Variants in PIK3C2A observed in about 807,000 individuals in gnomAD.
PIK3C2A encodes phosphatidylinositol 4-phosphate 3-kinase C2 domain-containing subunit alpha.
PIK3C2A carries 97 observed loss-of-function variants against 204.5 expected under a neutral mutation model. The observed-to-expected ratio is 0.47, with a 90% CI of 0.40 to 0.56. PIK3C2A has a LOEUF of 0.56. PIK3C2A is among the 20% of genes least tolerant of loss of function. PIK3C2A has a pLI of 0.00. For synonymous variants in PIK3C2A, 653 were observed against 664.4 expected, an observed-to-expected ratio of 0.98 and a Z score of 0.26; for missense variants, 1,735 against 1,969.2, an observed-to-expected ratio of 0.88 and a Z score of 2.25.
chr11:17,193,871 AG>A, intron 1 of PIK3C2A: 1 of 113,324 alleles, frequency 8.8e-6, no homozygotes. Context: ...AGAAAAGAAA[AG>A]AAAAGAAAAG....
At chr11:17,103,201 A>G (rs1848698319) in intron 23 of PIK3C2A, among the ~76,000 whole-genome samples, 1 of 14,300 alleles carries the variant, frequency 7.0e-5, no homozygotes, top group South Asian at 1.0e-3. Flanking sequence ...CATGATGGAT[A>G]GAAGATTTTT....
intron 8 of PIK3C2A, among the ~76,000 whole-genome samples, chr11:17,145,431 C>T (rs745956923): frequency 6.6e-6 from 1 of 152,168 alleles, no homozygotes; most frequent in Non-Finnish European, 1.5e-5. Flanking sequence ...TCACTTGACA[C>T]TCATTCTCTC....
intron 22 of PIK3C2A, 77 bp downstream of exon 22, chr11:17,110,355 G>A: frequency 9.8e-7 from 1 of 1,019,352 alleles, no homozygotes; most frequent in Non-Finnish European, 1.4e-6. Flanking sequence ...ATCTGCATCA[G>A]GATGTTTACG....
chr11:17,171,237 G>A (rs1452640872), intron 1 of PIK3C2A, among the ~76,000 whole-genome samples: 1 of 152,122 alleles, frequency 6.6e-6, no homozygotes, highest in African/African-American at 2.4e-5. Flanking sequence ...ACACATAAAA[G>A]TGCCTCTCAT....
At chr11:17,089,966 T>G in intron 32 of PIK3C2A, 46 bp from the exon 33 acceptor site, 1 of 1,417,282 alleles carries the variant, frequency 7.1e-7, no homozygotes, top group Non-Finnish European at 9.6e-7. Flanking sequence ...TTAAAGTTTG[T>G]TTGGTTTCTT....
At chr11:17,102,050 GA>G (rs1187749167) in intron 24 of PIK3C2A, among the ~76,000 whole-genome samples, 1 of 152,112 alleles carries the variant, frequency 6.6e-6, no homozygotes, top group East Asian at 1.9e-4. Context: ...TACAAACATA[GA>G]AAACTACTTA....
chr11:17,195,765 C>G (rs11024188), intron 1 of PIK3C2A, among the ~76,000 whole-genome samples: 1 of 143,664 alleles, frequency 7.0e-6, no homozygotes, highest in Non-Finnish European at 1.5e-5. Flanking sequence ...AGGAGCCCCG[C>G]GCGCTGGCTC....
Position 17,113,864 on chromosome 11 carries a change from G to A in PIK3C2A, c.3321+497C>T, listed in dbSNP as rs1448115218. Among the ~76,000 whole-genome samples the A allele has an allele frequency of 2.7e-5, 4 of 150,440 alleles. No individual in the cohort carries two copies. In the South Asian group the frequency reaches 6.3e-4, roughly 24 times the overall value. On this transcript the variant is annotated intron_variant, in intron 20 of 32. Coordinates refer to ENST00000691414, the MANE Select transcript of PIK3C2A (RefSeq NM_002645.4). ...TGGGAGGCCGAGGTGGGCGAATCACGAGGTCAGGAGTTCAAGACCAGCCTG... is the reference window on the plus strand; with the variant it reads ...TGGGAGGCCGAGGTGGGCGAATCACAAGGTCAGGAGTTCAAGACCAGCCTG...
chr11:17,179,784 T>G (rs1851472388), intron 1 of PIK3C2A, among the ~76,000 whole-genome samples: 1 of 151,900 alleles, frequency 6.6e-6, no homozygotes, highest in Non-Finnish European at 1.5e-5. Flanking sequence ...TGGCTAATGT[T>G]TTCATTTTTT....
rs536082224 is a variant in PIK3C2A at position 17,087,733 on chromosome 11, T to A, written c.*2005A>T. 1 of 152,360 alleles carries A rather than the reference T, an allele frequency of 6.6e-6. No individual in the cohort carries two copies. The highest frequency in any genetic ancestry group is 2.1e-4 in the South Asian group (1 of 4,832). 9.4% of individuals were successfully genotyped at this position (152,360 alleles called of 1,614,324 possible). ...TGAAAATTACTAGTACATTTGCATT[T>A]GCAAAGGTACTTACATACTTTAAGG... is the stretch of plus-strand genomic sequence containing the variant. On this transcript the variant is annotated 3_prime_UTR_variant, in exon 33 of 33. Coordinates refer to ENST00000691414, the MANE Select transcript of PIK3C2A (RefSeq NM_002645.4).
intron 1 of PIK3C2A, among the ~76,000 whole-genome samples, chr11:17,201,742 T>G (rs1852392556): frequency 6.6e-6 from 1 of 152,190 alleles, no homozygotes; most frequent in South Asian, 2.1e-4. Flanking sequence ...TTATCTATTT[T>G]CCATTTGACT....
intron 18 of PIK3C2A, 67 bp from the exon 19 acceptor site, chr11:17,117,738 G>A (rs564910697): frequency 4.4e-5 from 36 of 810,284 alleles, no homozygotes; most frequent in African/African-American, 3.2e-4. Flanking sequence ...TTTTTGAGAC[G>A]GAGCCTCACT....
chr11:17,204,816 T>G (rs903596256), intron 1 of PIK3C2A, among the ~76,000 whole-genome samples: 4 of 152,238 alleles, frequency 2.6e-5, no homozygotes, highest in Admixed American at 1.3e-4. Context: ...TACAATGTGA[T>G]GCACCACCAG....
At position 17,089,705 on chromosome 11, in the gene PIK3C2A, G is replaced by A; in HGVS notation, c.*33C>T. The A allele has an allele frequency of 2.0e-6, 3 of 1,484,672 alleles. No homozygotes were observed. Among genetic ancestry groups the A allele is most frequent in the Non-Finnish European group, 2.8e-6 (3 of 1,067,782 alleles). 92.0% of individuals were successfully genotyped at this position (1,484,672 alleles called of 1,614,324 possible). A position where few individuals can be genotyped will look rare whatever the true frequency, so the allele number is the denominator to read the frequency against. ...CATGTATGCATGCACGTTTATAACT[G>A]TTCATGCTTCCAAAGCTCAAACATT... On this transcript the variant is annotated 3_prime_UTR_variant, in exon 33 of 33. Transcript: ENST00000691414.
At chr11:17,128,825 T>C (rs1849603426) in intron 13 of PIK3C2A, among the ~76,000 whole-genome samples, 1 of 152,110 alleles carries the variant, frequency 6.6e-6, no homozygotes, top group African/African-American at 2.4e-5. Context: ...GTGGGATGTA[T>C]GGCAATTAAA....
rs775520383 is a variant in PIK3C2A at position 17,168,804 on chromosome 11, G to A, written c.938C>T (p.Ser313Leu). The change falls in exon 2 of 33, where the codon TCG becomes TTG. Residue 313 changes from serine (S) to leucine (L), a missense_variant. By Grantham distance (145) the Ser-to-Leu change is moderately radical. Coordinates refer to ENST00000691414, the MANE Select transcript of PIK3C2A (RefSeq NM_002645.4). ...PWDAVLLEER[S>L]TANCHLERKV... ...TCTTTCAAGATGACAATTTGCTGTCGATCTCTCTTCAAGAAGAACAGCATC... is the reference window on the plus strand; with the variant it reads ...TCTTTCAAGATGACAATTTGCTGTCAATCTCTCTTCAAGAAGAACAGCATC... 47 of 1,613,754 alleles carry A rather than the reference G, an allele frequency of 2.9e-5. No homozygotes were observed. Among genetic ancestry groups the A allele is most frequent in the Admixed American group, 2.2e-4 (13 of 59,964 alleles).
In PIK3C2A at chr11:17,128,617, C is replaced by A. The variant is rs529310160; in HGVS notation, c.2399+683G>T. Among the ~76,000 whole-genome samples the A allele has an allele frequency of 1.2e-4, 19 of 152,316 alleles. No individual in the cohort carries two copies. The East Asian group carries it at 3.7e-3, about 29-fold the overall frequency. ...TGTGCTGAATGTAACATATCCCGAA[C>A]TTACCCAATTATTTTTCCTTTGGAA... On this transcript the variant is annotated intron_variant, in intron 13 of 32. Coordinates refer to ENST00000691414, the MANE Select transcript of PIK3C2A (RefSeq NM_002645.4).
At chr11:17,185,026 CAGT>C (rs1203279742) in intron 1 of PIK3C2A, among the ~76,000 whole-genome samples, 1 of 151,920 alleles carries the variant, frequency 6.6e-6, no homozygotes, top group Non-Finnish European at 1.5e-5. Context: ...ATAAAATCTA[CAGT>C]AGTATACAGT....
At chr11:17,195,350 T>A (rs1325188365) in intron 1 of PIK3C2A, among the ~76,000 whole-genome samples, 1 of 151,066 alleles carries the variant, frequency 6.6e-6, no homozygotes, top group African/African-American at 2.4e-5. Context: ...GAGGCAGAGG[T>A]TGCAGTGAGC....
Sources: allele counts gnomAD v4.1 joint callset (sites outside exome capture counted in the v4.1 genomes callset), GRCh38; gene constraint gnomAD v4.1.1; transcripts MANE v1.5; gene names NCBI Gene and HGNC (gene_info 2026-07-23, HGNC 2026-07-21).